ANKRD16: variants seen among roughly 807,000 people sequenced by gnomAD.
ANKRD16 encodes the protein ankyrin repeat domain-containing protein 16.
In ANKRD16, 35 loss-of-function variants were observed where a neutral mutation model predicts 37.9. That is an observed-to-expected ratio of 0.92 (90% CI 0.71 to 1.23). ANKRD16 has a LOEUF of 1.23. Among genes scored for constraint, ANKRD16 ranks in the 50% most tolerant of loss-of-function variants. ANKRD16 has a pLI of 0.00. For synonymous variants in ANKRD16, 206 were observed against 197.2 expected, an observed-to-expected ratio of 1.04 and a Z score of -0.37; for missense variants, 480 against 469.9, an observed-to-expected ratio of 1.02 and a Z score of -0.20.
intron 5 of ANKRD16, chr10:5,881,109 A>G (rs540450686): frequency 2.2e-6 from 2 of 902,770 alleles, no homozygotes; most frequent in Admixed American, 1.2e-4. Context: ...AAATTTTCAT[A>G]TCTAAAGTAA....
rs546957387 is a variant in ANKRD16 at position 5,884,660 on chromosome 10, A to G, written c.579-583T>C. Among the ~76,000 whole-genome samples the G allele has an allele frequency of 4.2e-5, 6 of 143,038 alleles. No individual in the cohort carries two copies. The South Asian group carries it at 1.4e-3, about 34-fold the overall frequency. 93.8% of individuals were successfully genotyped at this position (143,038 alleles called of 152,430 possible). On this transcript the variant is annotated intron_variant, in intron 3 of 7. Coordinates refer to ENST00000380094, the MANE Select transcript of ANKRD16 (RefSeq NM_019046.3). ...GGCAGGAGAATCGCTTGAACCTGGG[A>G]GGTGGAGGTTGCAGTGAGCTGAGAT...
intron 4 of ANKRD16, 115 bp downstream of exon 4, chr10:5,883,853 GT>G: frequency 1.2e-6 from 1 of 817,938 alleles, no homozygotes; most frequent in Middle Eastern, 2.3e-4. Context: ...CAGAGAGAGA[GT>G]TTGGAGGGGC....
At position 5,881,438 on chromosome 10, in the gene ANKRD16, T is replaced by TTATAAAAATATATATATA. The variant is rs1422263395; in HGVS notation, c.850-1063_850-1062insTATATATATATTTTTATA. On this transcript the variant is annotated intron_variant, in intron 5 of 7. Coordinates refer to ENST00000380094, the MANE Select transcript of ANKRD16 (RefSeq NM_019046.3). Reference sequence around the variant, plus strand: ...ATATTTTATAAAATAAAAATATTATTTATATATATATATATATATATATAT... The same window carrying TTATAAAAATATATATATA: ...ATATTTTATAAAATAAAAATATTATTTATAAAAATATATATATATATATATATATATATATATATATAT... Among the ~76,000 whole-genome samples, 132 of 50,998 alleles carry TTATAAAAATATATATATA rather than the reference T, an allele frequency of 2.6e-3. 1 individual carries two copies. The highest frequency in any genetic ancestry group is 8.1e-3 in the South Asian group (13 of 1,602). The allele number at this position is 50,998 out of a possible 152,430, so 33.5% of individuals were successfully genotyped here. A position where few individuals can be genotyped will look rare whatever the true frequency, so the allele number is the denominator to read the frequency against.
At chr10:5,884,832 G>A (rs1336494138) in intron 3 of ANKRD16, among the ~76,000 whole-genome samples, 5 of 151,800 alleles carry the variant, frequency 3.3e-5, no homozygotes, top group Non-Finnish European at 5.9e-5. Context: ...TATTCTAGGC[G>A]TCTTTTGTTT....
At chr10:5,873,094 A>G (rs143569884) in intron 7 of ANKRD16, among the ~76,000 whole-genome samples, 17,055 of 145,860 alleles carry the variant, frequency 0.12, 1,322 homozygotes, top group East Asian at 0.21. Flanking sequence ...CAGTGACATG[A>G]TCTCAGCTCA....
At position 5,862,497 on chromosome 10, in the gene ANKRD16, G is replaced by T; in HGVS notation, c.*228C>A. 1.3e-6 allele frequency: 1 copy of T among 764,078 alleles called. No individual in the cohort carries two copies. The highest frequency in any genetic ancestry group is 1.5e-5 in the South Asian group (1 of 67,466). 47.3% of individuals were successfully genotyped at this position (764,078 alleles called of 1,614,324 possible). A position where few individuals can be genotyped will look rare whatever the true frequency, so the allele number is the denominator to read the frequency against. On this transcript the variant is annotated 3_prime_UTR_variant, in exon 8 of 8. Coordinates refer to ENST00000380094, the MANE Select transcript of ANKRD16 (RefSeq NM_019046.3). This position sits in a 1 kb window ranked among gnomAD's most constrained non-coding sequence, Gnocchi z 6.5. ...AACCATTTTTGGAGACAGACCCAGG[G>T]AGCTGACCTTGGGGGCCAGTGCAGA... is the stretch of plus-strand genomic sequence containing the variant.
intron 3 of ANKRD16, 106 bp downstream of exon 3, chr10:5,885,617 C>A: frequency 8.3e-7 from 1 of 1,200,022 alleles, no homozygotes; most frequent in South Asian, 1.4e-5. Flanking sequence ...CTTTTGAAAG[C>A]CTAATTTTTT....
rs776808027 is a variant in ANKRD16, at chr10:5,888,087, G to C, written c.315-20C>G. 6.2e-7 allele frequency: 1 copy of C among 1,609,570 alleles called. No homozygotes were observed. Among genetic ancestry groups the C allele is most frequent in the East Asian group, 2.2e-5 (1 of 44,840 alleles). The stretch of plus-strand genomic sequence containing the variant: ...GGAGTCCTAAGGCCAACCAGGAGAA[G>C]CTGTCAGATGGAGGCAGCTGAGACA... On this transcript the variant is annotated intron_variant, in intron 1 of 7. Transcript: ENST00000380094.
chr10:5,887,348 A>G (rs1842441370), intron 2 of ANKRD16, among the ~76,000 whole-genome samples: 2 of 150,214 alleles, frequency 1.3e-5, no homozygotes, highest in Admixed American at 6.7e-5. Context: ...TTAGAAATTG[A>G]TTATATGCCA....
chr10:5,884,189 G>GAATAGAGAGAGCTC, intron 3 of ANKRD16, 112 bp from the exon 4 acceptor site: 1 of 759,788 alleles, frequency 1.3e-6, no homozygotes, highest in Non-Finnish European at 2.2e-6. Context: ...TGACCTGTGA[G>GAATAGAGAGAGCTC]CATGGAGCTC....
At chr10:5,875,230 CAG>C (rs1842165176) in intron 7 of ANKRD16, among the ~76,000 whole-genome samples, 1 of 151,754 alleles carries the variant, frequency 6.6e-6, no homozygotes. Flanking sequence ...GTGCAAGAGT[CAG>C]AGGACAAAAT....
intron 3 of ANKRD16, among the ~76,000 whole-genome samples, chr10:5,885,326 G>A (rs672126): frequency 0.36 from 54,018 of 151,718 alleles, 10,852 homozygotes; most frequent in East Asian, 0.68. Flanking sequence ...GACTACAGGC[G>A]CCCGCCACCA....
At position 5,861,897 on chromosome 10, in the gene ANKRD16, C is replaced by G. The variant is rs201502478; in HGVS notation, c.*828G>C. 7.7e-6 allele frequency: 1 copy of G among 129,964 alleles called. No individual in the cohort carries two copies. Among genetic ancestry groups the G allele is most frequent in the Admixed American group, 7.9e-5 (1 of 12,634 alleles). 8.1% of individuals were successfully genotyped at this position (129,964 alleles called of 1,614,324 possible). ...ACAGACTGGGCAGGCCCCAGGAATT[C>G]TTTTTTTTTTTTTTTTTTTTTGGAG... On this transcript the variant is annotated 3_prime_UTR_variant, in exon 8 of 8. Coordinates refer to ENST00000380094, the MANE Select transcript of ANKRD16 (RefSeq NM_019046.3).
chr10:5,884,274 C>T (rs889027031), intron 3 of ANKRD16, among the ~76,000 whole-genome samples, 197 bp from the exon 4 acceptor site: 2 of 152,242 alleles, frequency 1.3e-5, no homozygotes, highest in African/African-American at 4.8e-5. Context: ...CCCTAGCAGA[C>T]CTGCTGCTCC....
Position 5,863,383 on chromosome 10 carries a change from CT to C in ANKRD16, c.*34-693del, listed in dbSNP as rs1841967997. Among the ~76,000 whole-genome samples the C allele has an allele frequency of 6.6e-6, 1 of 152,118 alleles. No homozygotes were observed. Among genetic ancestry groups the C allele is most frequent in the African/African-American group, 2.4e-5 (1 of 41,458 alleles). Reference sequence around the variant, plus strand: ...CTGGACTTCCTGGGTCAAATGGGGACTTGGAGAACTTTTCTGTGTAGCTAAA... The same window carrying C: ...CTGGACTTCCTGGGTCAAATGGGGACTGGAGAACTTTTCTGTGTAGCTAAA... On this transcript the variant is annotated intron_variant, in intron 7 of 7. Coordinates refer to ENST00000380094, the MANE Select transcript of ANKRD16 (RefSeq NM_019046.3). The surrounding 1 kb of genome is among the most constrained non-coding windows in gnomAD (Gnocchi z 4.7).
Position 5,869,772 on chromosome 10 carries a change from G to A in ANKRD16, c.*34-7081C>T, listed in dbSNP as rs1338521549. On this transcript the variant is annotated intron_variant, in intron 7 of 7. Transcript: ENST00000380094. The surrounding 1 kb of genome is among the most constrained non-coding windows in gnomAD (Gnocchi z 4.0). ...CTGGAAGCAGCTGGGGGTTGCTGGGGGGAGGGGTGGGTGGGTGGGAATCTG... is the reference window on the plus strand; with the variant it reads ...CTGGAAGCAGCTGGGGGTTGCTGGGAGGAGGGGTGGGTGGGTGGGAATCTG... Among the ~76,000 whole-genome samples, 1 of 151,032 alleles carries A rather than the reference G, an allele frequency of 6.6e-6. No individual in the cohort carries two copies. The highest frequency in any genetic ancestry group is 1.5e-5 in the Non-Finnish European group (1 of 67,790).
In ANKRD16 at chr10:5,868,360, T is replaced by TCA. The variant is rs2131754600; in HGVS notation, c.*34-5671_*34-5670dup. On this transcript the variant is annotated intron_variant, in intron 7 of 7. Transcript: ENST00000380094. The surrounding 1 kb of genome is among the most constrained non-coding windows in gnomAD (Gnocchi z 4.9). ...CAGCAGGAAGTAGCTAGAATGGTCA[T>TCA]CACCCAATTCCCAGTAGCAGTTGGG... is the stretch of plus-strand genomic sequence containing the variant. Among the ~76,000 whole-genome samples, 1 of 152,306 alleles carries TCA rather than the reference T, an allele frequency of 6.6e-6. No individual in the cohort carries two copies. Among genetic ancestry groups the TCA allele is most frequent in the East Asian group, 1.9e-4 (1 of 5,186 alleles).
At chr10:5,877,119 CTT>C (rs78090804) in intron 7 of ANKRD16, among the ~76,000 whole-genome samples, 124,845 of 151,088 alleles carry the variant, frequency 0.83, 51,928 homozygotes, top group Admixed American at 0.87. Context: ...TTCTTTTTTT[CTT>C]TTTTTTTTTG....
chr10:5,881,909 G>A (rs540046191), intron 5 of ANKRD16, among the ~76,000 whole-genome samples: 1 of 151,670 alleles, frequency 6.6e-6, no homozygotes, highest in South Asian at 2.1e-4. Context: ...GGATGGTCTC[G>A]ATCTCCTGAC....
Sources: gnomAD v4.1 joint callset for allele counts (sites outside exome capture counted in the v4.1 genomes callset) on GRCh38, gnomAD v4.1.1 for gene constraint, Gnocchi (gnomAD v3.1) non-coding constraint, MANE v1.5 for transcripts, NCBI Gene and HGNC (gene_info 2026-07-23, HGNC 2026-07-21) for gene names.